Variants in PIEZO2 observed in about 807,000 individuals in gnomAD.
The protein encoded by PIEZO2 is piezo type mechanosensitive ion channel component 2.
In PIEZO2, 172 loss-of-function variants were observed where a neutral mutation model predicts 337.3. That is an observed-to-expected ratio of 0.51 (90% CI 0.45 to 0.58). The LOEUF (loss-of-function observed/expected upper bound fraction) is 0.58. Ranked by LOEUF, PIEZO2 falls within the 20% of genes least tolerant of loss-of-function variation. The pLI is 0.00. For missense variants in PIEZO2, 3,028 were observed against 3,391.3 expected, an observed-to-expected ratio of 0.89 and a Z score of 2.66; for synonymous variants, 1,251 against 1,228.5, an observed-to-expected ratio of 1.02 and a Z score of -0.38.
At chr18:10,762,039 A>G (rs140544994) in intron 23 of PIEZO2, among the ~76,000 whole-genome samples, 34 of 152,360 alleles carry the variant, frequency 2.2e-4, no homozygotes, top group African/African-American at 7.9e-4. Context: ...GAATTTACAC[A>G]GCGAAAATGT....
Position 11,009,626 on chromosome 18 carries a change from AT to A in PIEZO2, c.161-29967del, listed in dbSNP as rs1341338661. Among the ~76,000 whole-genome samples the A allele has an allele frequency of 2.6e-5, 4 of 152,248 alleles. No individual in the cohort carries two copies. Among genetic ancestry groups the A allele is most frequent in the Non-Finnish European group, 5.9e-5 (4 of 68,040 alleles). The stretch of plus-strand genomic sequence containing the variant: ...CGAAGTAATAATATATGTGGGCACT[AT>A]AAAGATAAATGTCTTGTTATGGGTT... On this transcript the variant is annotated intron_variant, in intron 2 of 55. Transcript: ENST00000674853. This position sits in a 1 kb window ranked among gnomAD's most constrained non-coding sequence, Gnocchi z 4.6.
chr18:10,814,745 C>G (rs2144400865), intron 7 of PIEZO2, among the ~76,000 whole-genome samples: 1 of 152,256 alleles, frequency 6.6e-6, no homozygotes, highest in South Asian at 2.1e-4. Flanking sequence ...AATTCCCAGG[C>G]AGAGTATTCA....
At chr18:10,785,839 T>C (rs2039203262) in intron 16 of PIEZO2, among the ~76,000 whole-genome samples, 1 of 152,144 alleles carries the variant, frequency 6.6e-6, no homozygotes, top group South Asian at 2.1e-4. Context: ...TTTTCTCAGC[T>C]AGTCAAGGGA....
In PIEZO2 at chr18:10,962,082, C is replaced by G. The variant is rs79123093; in HGVS notation, c.286+17453G>C. Reference sequence around the variant, plus strand: ...GCAACGTTCAGTTTTTTTTTCCAAGCAGACTGTAATCAACTATATTAGCAT... The same window carrying G: ...GCAACGTTCAGTTTTTTTTTCCAAGGAGACTGTAATCAACTATATTAGCAT... On this transcript the variant is annotated intron_variant, in intron 3 of 55. Transcript: ENST00000674853. The surrounding 1 kb of genome is among the most constrained non-coding windows in gnomAD (Gnocchi z 4.1). Among the ~76,000 whole-genome samples, 1,656 of 152,166 alleles carry G rather than the reference C, an allele frequency of 0.011. 30 individuals carry two copies. The highest frequency in any genetic ancestry group is 0.038 in the African/African-American group (1,565 of 41,498).
At chr18:10,732,766 A>G (rs574439418) in intron 35 of PIEZO2, among the ~76,000 whole-genome samples, 2 of 152,326 alleles carry the variant, frequency 1.3e-5, no homozygotes, top group South Asian at 4.1e-4. Context: ...TTTATTGGCT[A>G]TGTTAATTGG....
chr18:10,791,082 T>C (rs1179689501), intron 14 of PIEZO2, 119 bp downstream of exon 14: 3 of 1,131,732 alleles, frequency 2.7e-6, no homozygotes, highest in Non-Finnish European at 3.6e-6. Flanking sequence ...CGTTACTTAT[T>C]GCTCCAAGTT....
chr18:10,890,153 C>T (rs2042714486), intron 4 of PIEZO2, among the ~76,000 whole-genome samples: 1 of 152,230 alleles, frequency 6.6e-6, no homozygotes, highest in Non-Finnish European at 1.5e-5. Context: ...CCAGTAAAAT[C>T]TTGTGTGTTT....
rs1195414920 is a variant in PIEZO2, at chr18:10,872,601, A to G, written c.330-1186T>C. On this transcript the variant is annotated intron_variant, in intron 4 of 55. Transcript: ENST00000674853. This position sits in a 1 kb window ranked among gnomAD's most constrained non-coding sequence, Gnocchi z 4.3. The stretch of plus-strand genomic sequence containing the variant: ...ACGACACGGGCCAGCCATGTCCCTC[A>G]TCCGGTGCTAGATGCCTGCCCTGTG... 6.6e-6 allele frequency among the ~76,000 whole-genome samples: 1 copy of G among 152,188 alleles called. No homozygotes were observed. The highest frequency in any genetic ancestry group is 1.5e-5 in the Non-Finnish European group (1 of 68,036).
Position 11,097,688 on chromosome 18 carries a change from C to G in PIEZO2, c.65-31466G>C, listed in dbSNP as rs1471011529. Among the ~76,000 whole-genome samples the G allele has an allele frequency of 6.6e-6, 1 of 152,160 alleles. No individual in the cohort carries two copies. Among genetic ancestry groups the G allele is most frequent in the African/African-American group, 2.4e-5 (1 of 41,432 alleles). On this transcript the variant is annotated intron_variant, in intron 1 of 55. Coordinates refer to ENST00000674853, the MANE Select transcript of PIEZO2 (RefSeq NM_001378183.1). The surrounding 1 kb of genome is among the most constrained non-coding windows in gnomAD (Gnocchi z 5.0). Reference sequence around the variant, plus strand: ...GTAGATTTTCACCTGACTGTATTTTCTGTATACTTATTGTATGAACACTTG... The same window carrying G: ...GTAGATTTTCACCTGACTGTATTTTGTGTATACTTATTGTATGAACACTTG...
In PIEZO2 at chr18:11,078,111, A is replaced by T. The variant is rs2038613307; in HGVS notation, c.65-11889T>A. ...CATACACACACACAAACACATACAC[A>T]TATACACACCATACACACACATACA... On this transcript the variant is annotated intron_variant, in intron 1 of 55. Transcript: ENST00000674853. This position sits in a 1 kb window ranked among gnomAD's most constrained non-coding sequence, Gnocchi z 5.3. Among the ~76,000 whole-genome samples, 1 of 147,840 alleles carries T rather than the reference A, an allele frequency of 6.8e-6. No individual in the cohort carries two copies. Among genetic ancestry groups the T allele is most frequent in the Non-Finnish European group, 1.5e-5 (1 of 67,596 alleles).
chr18:10,757,037 G>A (rs904037612), intron 27 of PIEZO2, among the ~76,000 whole-genome samples: 1 of 150,640 alleles, frequency 6.6e-6, no homozygotes, highest in Non-Finnish European at 1.5e-5. Context: ...GGAGGAATGG[G>A]GATAAAATGA....
chr18:11,014,490 C>T (rs1598829221), intron 2 of PIEZO2, among the ~76,000 whole-genome samples: 1 of 147,148 alleles, frequency 6.8e-6, no homozygotes, highest in Non-Finnish European at 1.5e-5. Context: ...GATCCAGGGC[C>T]CCCCTCATTC....
In PIEZO2 at chr18:10,894,172, G is replaced by T. The variant is rs1436430438; in HGVS notation, c.329+17014C>A. Among the ~76,000 whole-genome samples, 2 of 152,176 alleles carry T rather than the reference G, an allele frequency of 1.3e-5. No individual in the cohort carries two copies. Among genetic ancestry groups the T allele is most frequent in the East Asian group, 1.9e-4 (1 of 5,196 alleles). ...GCATGTGCATTAAGAGGCAAAATGGGCCAAGTGCGGTGGCTCACACCTGTA... is the reference window on the plus strand; with the variant it reads ...GCATGTGCATTAAGAGGCAAAATGGTCCAAGTGCGGTGGCTCACACCTGTA... On this transcript the variant is annotated intron_variant, in intron 4 of 55. Transcript: ENST00000674853. The surrounding 1 kb of genome is among the most constrained non-coding windows in gnomAD (Gnocchi z 4.1).
At position 10,750,580 on chromosome 18, in the gene PIEZO2, C is replaced by A. The variant is rs2037609170; in HGVS notation, c.4168-393G>T. 1.3e-5 allele frequency among the ~76,000 whole-genome samples: 2 copies of A among 152,112 alleles called. No homozygotes were observed. The highest frequency in any genetic ancestry group is 4.8e-5 in the African/African-American group (2 of 41,418). On this transcript the variant is annotated intron_variant, in intron 28 of 55. Coordinates refer to ENST00000674853, the MANE Select transcript of PIEZO2 (RefSeq NM_001378183.1). The surrounding 1 kb of genome is among the most constrained non-coding windows in gnomAD (Gnocchi z 4.1). Reference sequence around the variant, plus strand: ...AGACACATATAACCTATGCTCTTCCCTGGAGGTCATCCCAGACCTAAGCTG... The same window carrying A: ...AGACACATATAACCTATGCTCTTCCATGGAGGTCATCCCAGACCTAAGCTG...
chr18:10,762,807 G>T, intron 22 of PIEZO2, 115 bp downstream of exon 22: 1 of 1,351,176 alleles, frequency 7.4e-7, no homozygotes, highest in Admixed American at 2.4e-5. Flanking sequence ...CAGCCAGGGA[G>T]AGGTGACTTA....
At chr18:10,907,104 C>T (rs2030009225) in intron 4 of PIEZO2, among the ~76,000 whole-genome samples, 1 of 152,052 alleles carries the variant, frequency 6.6e-6, no homozygotes, top group Admixed American at 6.6e-5. Flanking sequence ...AATTTAGAAG[C>T]CCATATTTCA....
At position 10,676,143 on chromosome 18, in the gene PIEZO2, A is replaced by T. The variant is rs1039512039; in HGVS notation, c.8082-855T>A. On this transcript the variant is annotated intron_variant, in intron 53 of 55. Transcript: ENST00000674853. This position sits in a 1 kb window ranked among gnomAD's most constrained non-coding sequence, Gnocchi z 5.1. ...CCTCGAGTGACCTCTGCCTCCCACA[A>T]GCCCAGTGCCTTCAATACATTCTTG... Among the ~76,000 whole-genome samples the T allele has an allele frequency of 6.6e-6, 1 of 152,194 alleles. No homozygotes were observed. Among genetic ancestry groups the T allele is most frequent in the Non-Finnish European group, 1.5e-5 (1 of 68,028 alleles).
chr18:10,788,450 G>T (rs914439177), intron 15 of PIEZO2, among the ~76,000 whole-genome samples: 1 of 142,134 alleles, frequency 7.0e-6, no homozygotes, highest in African/African-American at 2.7e-5. Context: ...AAGGAAGGAA[G>T]GAAGGAAGGA....
In PIEZO2 at chr18:10,861,956, C is replaced by T. The variant is rs374210441; in HGVS notation, c.493-4745G>A. ...TCACTGGAACCAACGAGGCAGAGGT[C>T]GCAGTGAGCCGAGATCACGCCACTG... On this transcript the variant is annotated intron_variant, in intron 5 of 55. Transcript: ENST00000674853. The surrounding 1 kb of genome is among the most constrained non-coding windows in gnomAD (Gnocchi z 4.3). 1.3e-5 allele frequency among the ~76,000 whole-genome samples: 2 copies of T among 151,444 alleles called. No homozygotes were observed. The highest frequency in any genetic ancestry group is 2.1e-4 in the South Asian group (1 of 4,800).
Sources: gnomAD v4.1 joint callset for allele counts (sites outside exome capture counted in the v4.1 genomes callset) on GRCh38, gnomAD v4.1.1 for gene constraint, Gnocchi (gnomAD v3.1) non-coding constraint, MANE v1.5 for transcripts, NCBI Gene and HGNC (gene_info 2026-07-23, HGNC 2026-07-21) for gene names.